SEMA3D: variants seen among roughly 807,000 people sequenced by gnomAD.
The protein encoded by SEMA3D is semaphorin 3D.
A neutral mutation model predicts 100.1 loss-of-function variants in SEMA3D; 84 were observed. The ratio of observed to expected loss-of-function variants is 0.84; its 90% CI spans 0.70 to 1.01. The LOEUF is 1.01. SEMA3D is among the 50% of genes least tolerant of loss of function. The pLI is 0.00. For synonymous variants in SEMA3D, 312 were observed against 320.7 expected (o/e 0.97, Z 0.29); for missense variants, 875 against 934.1 (o/e 0.94, Z 0.82).
chr7:85,157,051 G>A (rs1045459993), intron 1 of SEMA3D, among the ~76,000 whole-genome samples: 2 of 152,216 alleles, frequency 1.3e-5, no homozygotes, highest in South Asian at 4.1e-4. Flanking sequence ...AGTCTGACGT[G>A]CTTCAGGAAT....
chr7:85,243,342 G>T, the SEMA3D span, among the ~76,000 whole-genome samples: 1 of 152,126 alleles, frequency 6.6e-6, no homozygotes, highest in African/African-American at 2.4e-5. Context: ...TCACAAAAGT[G>T]TAGGGCTCCC....
At chr7:85,149,231 T>A (rs1280047288) in intron 2 of SEMA3D, among the ~76,000 whole-genome samples, 1 of 151,706 alleles carries the variant, frequency 6.6e-6, no homozygotes, top group African/African-American at 2.4e-5. Flanking sequence ...GATCACCTGA[T>A]GTCAGGAGTT....
the SEMA3D span, among the ~76,000 whole-genome samples, chr7:85,241,467 G>GTATATATATATATATATATATA: frequency 5.0e-4 from 46 of 91,958 alleles, no homozygotes; most frequent in Middle Eastern, 4.9e-3. Flanking sequence ...CTGTGTGTGT[G>GTATATATATATATATATATATA]TATATATATA....
rs201206645 is a variant in SEMA3D at position 85,065,406 on chromosome 7, CA to C, written c.718+17del. 6.8e-5 allele frequency: 108 copies of C among 1,586,670 alleles called. No homozygotes were observed. The highest frequency in any genetic ancestry group is 3.5e-4 in the African/African-American group (26 of 73,820). ...CCAAAGCAAGACAATCAAAAGTAAACAAAAAAAAATCACAAACCATTGAGCC... is the reference window on the plus strand; with the variant it reads ...CCAAAGCAAGACAATCAAAAGTAAACAAAAAAAATCACAAACCATTGAGCC... On this transcript the variant is annotated intron_variant, in intron 8 of 18. Coordinates refer to ENST00000284136, the MANE Select transcript of SEMA3D (RefSeq NM_001384900.1).
chr7:85,160,321 T>G (rs1027933059), intron 1 of SEMA3D, among the ~76,000 whole-genome samples: 3 of 151,634 alleles, frequency 2.0e-5, no homozygotes, highest in Middle Eastern at 6.8e-3. Flanking sequence ...GGGAAGATAA[T>G]GGGTCTGATG....
In SEMA3D at chr7:85,081,548, T is replaced by C. The variant is rs764717073; in HGVS notation, c.344A>G (p.Glu115Gly). The C allele has an allele frequency of 1.2e-6, 2 of 1,612,190 alleles. No individual in the cohort carries two copies. Among genetic ancestry groups the C allele is most frequent in the Non-Finnish European group, 1.7e-6 (2 of 1,178,594 alleles). ...IYWPAAKERV[E>G]LCKLAGKDAN... ...ATCTTTCCCAGCTAATTTACATAAT[T>C]CCACCCGTTCCTTTGCAGCAGGCCA... Residue 115 changes from glutamate to glycine, a missense_variant, in exon 5 of 19, where the codon GAA becomes GGA. Glu to Gly is a moderately conservative substitution (Grantham distance 98, BLOSUM62 -2). Transcript: ENST00000284136.
At chr7:85,142,468 G>GA in intron 2 of SEMA3D, 1 of 976,104 alleles carries the variant, frequency 1.0e-6, no homozygotes, top group Non-Finnish European at 1.2e-6. Flanking sequence ...TTACATCAGG[G>GA]AAATAAGGCA....
At chr7:85,141,606 T>C in intron 2 of SEMA3D, 3 of 984,248 alleles carry the variant, frequency 3.0e-6, no homozygotes, top group Non-Finnish European at 3.6e-6. Flanking sequence ...GTGATCTCTA[T>C]AAATCATTTC....
At chr7:85,066,913 C>CACAGAGACAG in intron 7 of SEMA3D, among the ~76,000 whole-genome samples, 9 of 127,822 alleles carry the variant, frequency 7.0e-5, no homozygotes, top group African/African-American at 2.8e-4. Context: ...CACACACACA[C>CACAGAGACAG]AGAGAGAGAG....
chr7:85,145,029 G>A (rs1006036804), intron 2 of SEMA3D, among the ~76,000 whole-genome samples: 1 of 152,090 alleles, frequency 6.6e-6, no homozygotes, highest in Non-Finnish European at 1.5e-5. Flanking sequence ...TAAAATACTT[G>A]AAACCTCATT....
chr7:84,999,903 CAGAG>C (rs759513285), intron 18 of SEMA3D, 38 bp from the exon 19 acceptor site: 1 of 1,555,070 alleles, frequency 6.4e-7, no homozygotes, highest in South Asian at 1.1e-5. Context: ...AAATTAAACA[CAGAG>C]AGAGCTAAGA....
chr7:85,083,145 A>G (rs1328401041), intron 4 of SEMA3D, among the ~76,000 whole-genome samples: 1 of 152,212 alleles, frequency 6.6e-6, no homozygotes, highest in Non-Finnish European at 1.5e-5. Flanking sequence ...CAACTAAAAT[A>G]AAATGGTTAC....
intron 16 of SEMA3D, 134 bp from the exon 17 acceptor site, chr7:85,012,980 A>G (rs923437130): frequency 3.2e-6 from 2 of 625,800 alleles, no homozygotes; most frequent in East Asian, 2.9e-5. Context: ...ATGCAAGTCA[A>G]TATTCCAATC....
the SEMA3D span, among the ~76,000 whole-genome samples, chr7:85,230,825 C>T: frequency 6.6e-6 from 1 of 152,154 alleles, no homozygotes; most frequent in Non-Finnish European, 1.5e-5. Flanking sequence ...TGCTTCCTCT[C>T]CATGTCGAAG....
At chr7:85,196,530 A>C in the SEMA3D span, among the ~76,000 whole-genome samples, 1 of 152,082 alleles carries the variant, frequency 6.6e-6, no homozygotes, top group Non-Finnish European at 1.5e-5. Flanking sequence ...CAAGCCACAG[A>C]GTGAGCGAAG....
At chr7:85,209,537 A>G in the SEMA3D span, among the ~76,000 whole-genome samples, 8 of 152,084 alleles carry the variant, frequency 5.3e-5, no homozygotes, top group East Asian at 1.5e-3. Context: ...TTTCTCACTA[A>G]TCGATTACTT....
In SEMA3D at chr7:85,015,234, C is replaced by G. The variant is rs1562783510; in HGVS notation, c.1546-18G>C. 1 of 1,599,536 alleles carries G rather than the reference C, an allele frequency of 6.3e-7. No individual in the cohort carries two copies. Among genetic ancestry groups the G allele is most frequent in the East Asian group, 2.2e-5 (1 of 44,454 alleles). ...AATTGTTGCTGCAAATCGGGCAAAA[C>G]AAATGAATTAGAAGCATCTTTCAGA... On this transcript the variant is annotated intron_variant, in intron 15 of 18. Transcript: ENST00000284136.
At chr7:85,065,876 T>C (rs1443259419) in intron 7 of SEMA3D, among the ~76,000 whole-genome samples, 1 of 152,184 alleles carries the variant, frequency 6.6e-6, no homozygotes, top group African/African-American at 2.4e-5. Flanking sequence ...CAAATAAATG[T>C]CATAATTAAG....
intron 8 of SEMA3D, among the ~76,000 whole-genome samples, chr7:85,059,002 G>A (rs1289879994): frequency 6.6e-6 from 1 of 152,130 alleles, no homozygotes; most frequent in East Asian, 1.9e-4. Flanking sequence ...CATGGCTAAA[G>A]AGAATGCATA....
Sources: gnomAD v4.1 joint callset for allele counts (sites outside exome capture counted in the v4.1 genomes callset) on GRCh38, gnomAD v4.1.1 for gene constraint, MANE v1.5 for transcripts, NCBI Gene and HGNC (gene_info 2026-07-23, HGNC 2026-07-21) for gene names.